Variants in CSMD2 observed in about 807,000 individuals in gnomAD.
CSMD2 encodes the protein CUB and sushi domain-containing protein 2.
A neutral mutation model predicts 398.5 loss-of-function variants in CSMD2; 130 were observed. That is an observed-to-expected ratio of 0.33 (90% CI 0.28 to 0.38). The LOEUF (loss-of-function observed/expected upper bound fraction) is 0.38. Ranked by LOEUF, CSMD2 falls within the 10% of genes least tolerant of loss-of-function variation. CSMD2 has a pLI of 1.00. For missense variants in CSMD2, 3,829 were observed against 4,764.9 expected, an observed-to-expected ratio of 0.80 and a Z score of 5.78; for synonymous variants, 1,828 against 1,908.5, an observed-to-expected ratio of 0.96 and a Z score of 1.10.
At chr1:33,602,581 C>A (rs949643813) in intron 42 of CSMD2, 35 bp from the exon 43 acceptor site, 2 of 1,513,600 alleles carry the variant, frequency 1.3e-6, no homozygotes, top group Non-Finnish European at 1.8e-6. Context: ...AAGTGCAGGG[C>A]CTCGGTACCC....
At position 34,128,231 on chromosome 1, in the gene CSMD2, T is replaced by C. The variant is rs982278085; in HGVS notation, c.187+36680A>G. 6.6e-5 allele frequency among the ~76,000 whole-genome samples: 10 copies of C among 152,024 alleles called. 1 individual carries two copies. The highest frequency in any genetic ancestry group is 6.5e-4 in the Admixed American group (10 of 15,268). ...GGCAGCTGACCCCTGCCTGCTCCAC[T>C]TAGCCCCCAGCACTGGAAGCTTCTG... On this transcript the variant is annotated intron_variant, in intron 1 of 70. Transcript: ENST00000373381.
At chr1:34,116,735 T>C (rs1451814130) in intron 1 of CSMD2, among the ~76,000 whole-genome samples, 2 of 152,118 alleles carry the variant, frequency 1.3e-5, no homozygotes, top group African/African-American at 4.8e-5. Flanking sequence ...ACAGATCACA[T>C]GCTAGGCCAT....
At chr1:33,662,034 G>A (rs1026190733) in intron 26 of CSMD2, among the ~76,000 whole-genome samples, 5 of 152,134 alleles carry the variant, frequency 3.3e-5, no homozygotes, top group African/African-American at 1.2e-4. Context: ...CTTGATCAGG[G>A]GGAGGAATGA....
intron 44 of CSMD2, among the ~76,000 whole-genome samples, chr1:33,595,170 A>G (rs1162825873): frequency 1.3e-5 from 2 of 152,166 alleles, no homozygotes; most frequent in Admixed American, 1.3e-4. Context: ...TTTCATTGTC[A>G]TGTCTCTTTG....
chr1:33,636,906 C>G lies in CSMD2; in HGVS notation c.4775-352G>C, dbSNP rs1642840302. On this transcript the variant is annotated intron_variant, in intron 29 of 70. Coordinates refer to ENST00000373381, the MANE Select transcript of CSMD2 (RefSeq NM_001281956.2). This position sits in a 1 kb window ranked among gnomAD's most constrained non-coding sequence, Gnocchi z 4.8. ...TCTGGCTGGTGGGGGCTGACAGTCC[C>G]TGGACCACATCTCAGCTGCCGGCAG... Among the ~76,000 whole-genome samples the G allele has an allele frequency of 6.6e-6, 1 of 152,160 alleles. No individual in the cohort carries two copies. Among genetic ancestry groups the G allele is most frequent in the African/African-American group, 2.4e-5 (1 of 41,434 alleles).
intron 13 of CSMD2, among the ~76,000 whole-genome samples, chr1:33,751,855 G>A (rs1303626984): frequency 6.6e-6 from 1 of 151,686 alleles, no homozygotes; most frequent in Admixed American, 6.6e-5. Context: ...TTGATCTTTC[G>A]ACCTCATGAT....
At chr1:33,732,523 A>G (rs1232965384) in intron 15 of CSMD2, among the ~76,000 whole-genome samples, 3 of 152,208 alleles carry the variant, frequency 2.0e-5, no homozygotes, top group African/African-American at 7.2e-5. Flanking sequence ...GAACACAGAG[A>G]GGAAGTGGGC....
intron 2 of CSMD2, among the ~76,000 whole-genome samples, chr1:34,064,362 A>G (rs59224154): frequency 0.05 from 7,566 of 152,240 alleles, 206 homozygotes; most frequent in African/African-American, 0.072. Context: ...CACCTCTTGA[A>G]TGCTTTGCTG....
rs966940546 is a variant in CSMD2, at chr1:33,700,584, G to C, written c.3666C>G (p.Ser1222Arg). Reference sequence around the variant, plus strand: ...CAGTGATGAAATCAAGCCACAGACTGCTGGATGTGCTGTTCAAAGTCACCC... The same window carrying C: ...CAGTGATGAAATCAAGCCACAGACTCCTGGATGTGCTGTTCAAAGTCACCC... ...MMGVTLNSTS[S>R]SLWLDFITDA... Residue 1222 changes from serine to arginine, a missense_variant, in exon 23 of 71, where the codon AGC (serine) becomes AGG (arginine). Ser to Arg is a moderately radical substitution (Grantham distance 110). Around this residue, in one of 5 missense-constraint regions of CSMD2, gnomAD observed 2,001 missense variants for 2,567.1 expected, o/e 0.78. Coordinates refer to ENST00000373381, the MANE Select transcript of CSMD2 (RefSeq NM_001281956.2). The C allele has an allele frequency of 6.2e-7, 1 of 1,614,158 alleles. No homozygotes were observed. The highest frequency in any genetic ancestry group is 1.7e-5 in the Admixed American group (1 of 60,022).
In CSMD2 at chr1:33,817,486, C is replaced by CA. The variant is rs532785900; in HGVS notation, c.1324+2226dup. Among the ~76,000 whole-genome samples the CA allele has an allele frequency of 7.2e-3, 1,090 of 152,246 alleles. 12 individuals carry two copies. The highest frequency in any genetic ancestry group is 0.025 in the African/African-American group (1,043 of 41,540). ...CCAGGGCCAGCAAGCTAAAAGGTGTCAGAGTTGTGATCTAGATCAAAGTCC... is the reference window on the plus strand; with the variant it reads ...CCAGGGCCAGCAAGCTAAAAGGTGTCAAGAGTTGTGATCTAGATCAAAGTCC... On this transcript the variant is annotated intron_variant, in intron 9 of 70. Transcript: ENST00000373381.
chr1:33,847,067 T>A, intron 5 of CSMD2, 71 bp from the exon 6 acceptor site: 1 of 985,654 alleles, frequency 1.0e-6, no homozygotes, highest in South Asian at 1.5e-5. Context: ...CATTCAGGAG[T>A]TCCTCCACTT....
chr1:33,920,127 TGA>T (rs976712582), intron 4 of CSMD2, among the ~76,000 whole-genome samples: 3 of 151,860 alleles, frequency 2.0e-5, no homozygotes, highest in African/African-American at 7.3e-5. Context: ...CTTGAAGGAA[TGA>T]GAGAGGAAGA....
At chr1:33,721,747 A>G (rs1199690073) in intron 19 of CSMD2, among the ~76,000 whole-genome samples, 2 of 152,250 alleles carry the variant, frequency 1.3e-5, no homozygotes, top group Non-Finnish European at 2.9e-5. Flanking sequence ...GTAAAGGCCA[A>G]GTGACACACT....
At chr1:33,709,668 T>G (rs1645920104) in intron 21 of CSMD2, among the ~76,000 whole-genome samples, 1 of 152,088 alleles carries the variant, frequency 6.6e-6, no homozygotes, top group Non-Finnish European at 1.5e-5. Flanking sequence ...GATGAAGCCT[T>G]TCAGTATCAC....
At chr1:34,021,824 C>T (rs1490716759) in intron 3 of CSMD2, among the ~76,000 whole-genome samples, 1 of 152,160 alleles carries the variant, frequency 6.6e-6, no homozygotes, top group Non-Finnish European at 1.5e-5. Flanking sequence ...GATAAGTACA[C>T]CTCAACTGAG....
At chr1:33,904,168 C>G (rs139759855) in intron 5 of CSMD2, among the ~76,000 whole-genome samples, 55 of 152,264 alleles carry the variant, frequency 3.6e-4, no homozygotes, top group African/African-American at 1.1e-3. Context: ...CCAAGTCACT[C>G]TAGGTGCCAT....
intron 4 of CSMD2, among the ~76,000 whole-genome samples, chr1:33,921,017 T>C (rs570527541): frequency 6.6e-6 from 1 of 152,268 alleles, no homozygotes; most frequent in African/African-American, 2.4e-5. Flanking sequence ...TAGGGACTTA[T>C]TAGGCAGGAC....
chr1:34,018,521 G>A (rs1266716255), intron 3 of CSMD2, among the ~76,000 whole-genome samples: 3 of 152,228 alleles, frequency 2.0e-5, no homozygotes, highest in African/African-American at 7.2e-5. Flanking sequence ...ATGTGCGAGT[G>A]TGTCTGTGTC....
At position 33,514,042 on chromosome 1, in the gene CSMD2, A is replaced by G. The variant is rs1482202932; in HGVS notation, c.*2582T>C. ...AAATTTATATTTTATTTGAATTCAAAAAATTTAAAATTGCTTTCAAATTCA... is the reference window on the plus strand; with the variant it reads ...AAATTTATATTTTATTTGAATTCAAGAAATTTAAAATTGCTTTCAAATTCA... On this transcript the variant is annotated 3_prime_UTR_variant, in exon 71 of 71. Coordinates refer to ENST00000373381, the MANE Select transcript of CSMD2 (RefSeq NM_001281956.2). 3 of 152,630 alleles carry G rather than the reference A, an allele frequency of 2.0e-5. No homozygotes were observed. Among genetic ancestry groups the G allele is most frequent in the Non-Finnish European group, 2.9e-5 (2 of 68,034 alleles). The allele number at this position is 152,630 out of a possible 1,614,324, so 9.5% of individuals were successfully genotyped here.
Sources: gnomAD v4.1 joint callset for allele counts (sites outside exome capture counted in the v4.1 genomes callset) on GRCh38, gnomAD v4.1.1 for gene constraint, gnomAD v4.1.1 regional missense constraint, Gnocchi (gnomAD v3.1) non-coding constraint, MANE v1.5 for transcripts, NCBI Gene and HGNC (gene_info 2026-07-23, HGNC 2026-07-21) for gene names.